The following C7orf78 variants were observed in gnomAD, a reference collection of about 807,000 sequenced individuals.
C7orf78 encodes the protein putative uncharacterized protein C7orf78.
At chr7:12,525,791 A>G in the C7orf78 span, 1 of 396,508 alleles carries the variant, frequency 2.5e-6, no homozygotes, top group Non-Finnish European at 4.5e-6. Flanking sequence ...TGTATTAATA[A>G]TATTGCAATC....
At chr7:12,513,710 C>G in the C7orf78 span, among the ~76,000 whole-genome samples, 3 of 152,120 alleles carry the variant, frequency 2.0e-5, no homozygotes, top group Non-Finnish European at 2.9e-5. Flanking sequence ...AAGAAGAATG[C>G]CTATTCTGGG....
At chr7:12,530,692 G>T in the C7orf78 span, among the ~76,000 whole-genome samples, 1 of 152,034 alleles carries the variant, frequency 6.6e-6, no homozygotes, top group Non-Finnish European at 1.5e-5. Flanking sequence ...CTTAAATATT[G>T]TAAGAAATTT....
the C7orf78 span, chr7:12,507,304 C>CAAAAAAAAAAAA: frequency 1.3e-5 from 1 of 75,088 alleles, no homozygotes. Context: ...GAGACTCCAC[C>CAAAAAAAAAAAA]AAAAAAAAAA....
At chr7:12,501,345 C>G in the C7orf78 span, among the ~76,000 whole-genome samples, 1 of 147,564 alleles carries the variant, frequency 6.8e-6, no homozygotes, top group Non-Finnish European at 1.5e-5. Flanking sequence ...TTGTCTCAGC[C>G]CAAAATCTCC....
chr7:12,500,771 C>G, the C7orf78 span, among the ~76,000 whole-genome samples: 13 of 150,468 alleles, frequency 8.6e-5, 1 homozygote, highest in South Asian at 2.5e-3. Context: ...GGCAGAGACA[C>G]AACCAAAAAA....
the C7orf78 span, chr7:12,507,618 A>C: frequency 6.5e-6 from 1 of 152,718 alleles, no homozygotes; most frequent in African/African-American, 2.4e-5. Context: ...TTAGGGAGAA[A>C]ATCCCTATAT....
the C7orf78 span, among the ~76,000 whole-genome samples, chr7:12,540,109 G>T: frequency 6.6e-6 from 1 of 152,218 alleles, no homozygotes; most frequent in South Asian, 2.1e-4. Flanking sequence ...TCTTGTCCAT[G>T]TGTAAGAAAT....
the C7orf78 span, among the ~76,000 whole-genome samples, chr7:12,505,698 A>G: frequency 6.8e-6 from 1 of 146,708 alleles, no homozygotes; most frequent in Non-Finnish European, 1.5e-5. Context: ...TTTTTCCTTA[A>G]TTTCTCAGTC....
chr7:12,491,956 G>C, the C7orf78 span: 1 of 152,162 alleles, frequency 6.6e-6, no homozygotes, highest in Non-Finnish European at 1.5e-5. Flanking sequence ...GTAATTCTAA[G>C]TTCCAACAAT....
chr7:12,519,996 A>G, the C7orf78 span, among the ~76,000 whole-genome samples: 2 of 152,232 alleles, frequency 1.3e-5, no homozygotes, highest in Non-Finnish European at 2.9e-5. Context: ...TTGGGTCTCC[A>G]GATGAACACC....
the C7orf78 span, among the ~76,000 whole-genome samples, chr7:12,511,451 A>G: frequency 6.6e-6 from 1 of 152,154 alleles, no homozygotes; most frequent in East Asian, 1.9e-4. Flanking sequence ...TTGACTTTGT[A>G]GATTGCTTTG....
chr7:12,526,970 C>G, the C7orf78 span, among the ~76,000 whole-genome samples: 835 of 147,746 alleles, frequency 5.7e-3, no homozygotes, highest in African/African-American at 0.021. Context: ...GTGTCACTCA[C>G]TTTGGTAGAA....
the C7orf78 span, among the ~76,000 whole-genome samples, chr7:12,500,635 G>A: frequency 2.0e-4 from 31 of 151,950 alleles, no homozygotes; most frequent in African/African-American, 5.8e-4. Flanking sequence ...ATTCACAGCC[G>A]AATTCTACCA....
At chr7:12,519,968 T>C in the C7orf78 span, among the ~76,000 whole-genome samples, 2 of 152,206 alleles carry the variant, frequency 1.3e-5, no homozygotes, top group Non-Finnish European at 2.9e-5. Flanking sequence ...GCATTTTCTA[T>C]CTGGTACAAT....
chr7:12,526,015 A>G, the C7orf78 span: 1 of 387,610 alleles, frequency 2.6e-6, no homozygotes, highest in East Asian at 3.6e-5. Flanking sequence ...ATCACCTTTA[A>G]TAATACGGTA....
chr7:12,498,427 C>T, the C7orf78 span, among the ~76,000 whole-genome samples: 2 of 150,542 alleles, frequency 1.3e-5, no homozygotes, highest in Admixed American at 6.6e-5. Context: ...TCGAGAACTA[C>T]GTGAAGAATG....
chr7:12,521,087 A>C, the C7orf78 span, among the ~76,000 whole-genome samples: 1 of 151,652 alleles, frequency 6.6e-6, no homozygotes, highest in Non-Finnish European at 1.5e-5. Context: ...CTATCCCTTC[A>C]TTTTCAGTCT....
chr7:12,541,020 T>C, the C7orf78 span: 1 of 152,338 alleles, frequency 6.6e-6, no homozygotes. Context: ...TTCTGGCACC[T>C]TCCTGGATTC....
At chr7:12,530,518 A>G in the C7orf78 span, 2 of 152,200 alleles carry the variant, frequency 1.3e-5, no homozygotes, top group East Asian at 1.9e-4. Context: ...TTGCGCCTGA[A>G]TTCCAAAGGG....
Sources: allele counts gnomAD v4.1 joint callset (sites outside exome capture counted in the v4.1 genomes callset), GRCh38; gene constraint gnomAD v4.1.1; transcripts MANE v1.5; gene names NCBI Gene and HGNC (gene_info 2026-07-23, HGNC 2026-07-21).